Variants in MCFD2 observed in about 807,000 individuals in gnomAD.
MCFD2 encodes multiple coagulation factor deficiency 2, ER cargo receptor complex subunit, also known as multiple coagulation factor deficiency protein 2.
A neutral mutation model predicts 12.8 loss-of-function variants in MCFD2; 11 were observed. The ratio of observed to expected loss-of-function variants is 0.86; its 90% CI spans 0.54 to 1.42. The LOEUF is 1.42. MCFD2 is among the 40% of genes most tolerant of loss of function. MCFD2 has a pLI of 0.00. For missense variants in MCFD2, 191 were observed against 178.6 expected, an observed-to-expected ratio of 1.07 and a Z score of -0.40; for synonymous variants, 70 against 68.1, an observed-to-expected ratio of 1.03 and a Z score of -0.14.
intron 1 of MCFD2, among the ~76,000 whole-genome samples, chr2:46,927,740 T>G (rs1669464603): frequency 4.6e-5 from 7 of 152,034 alleles, no homozygotes; most frequent in Admixed American, 4.6e-4. Flanking sequence ...ACAGTATATC[T>G]TCAAAGTGCA....
At chr2:46,929,093 G>T (rs1047728361) in intron 1 of MCFD2, among the ~76,000 whole-genome samples, 1 of 152,146 alleles carries the variant, frequency 6.6e-6, no homozygotes, top group Non-Finnish European at 1.5e-5. Flanking sequence ...AACCTGGAAG[G>T]TGGAGGTTGG....
upstream of MCFD2, among the ~76,000 whole-genome samples, chr2:46,917,942 T>A (rs1398840736): frequency 1.3e-5 from 2 of 152,256 alleles, no homozygotes; most frequent in Non-Finnish European, 2.9e-5. Flanking sequence ...ATTATCAAAG[T>A]GTCCAGGGTT....
At chr2:46,925,160 TC>T (rs35951083) in intron 1 of MCFD2, among the ~76,000 whole-genome samples, 1 of 152,178 alleles carries the variant, frequency 6.6e-6, no homozygotes, top group Non-Finnish European at 1.5e-5. Flanking sequence ...CTGGCTATGT[TC>T]CCCAGGCTAG....
intron 1 of MCFD2, among the ~76,000 whole-genome samples, chr2:46,939,908 T>A (rs1293663127): frequency 2.0e-5 from 3 of 152,302 alleles, no homozygotes; most frequent in Non-Finnish European, 1.5e-5. Flanking sequence ...CAGCTTCAGC[T>A]TCCCTTCATC....
chr2:46,922,742 G>A (rs1669171837), intron 1 of MCFD2, among the ~76,000 whole-genome samples: 1 of 152,042 alleles, frequency 6.6e-6, no homozygotes, highest in African/African-American at 2.4e-5. Context: ...GGGAGGGGCG[G>A]GGGGCTCTTC....
chr2:46,911,448 G>A (rs1668482618), intron 1 of MCFD2, among the ~76,000 whole-genome samples: 1 of 146,084 alleles, frequency 6.8e-6, no homozygotes, highest in South Asian at 2.2e-4. Context: ...TTTTATATCT[G>A]TAGTTTAAAA....
At chr2:46,919,829 T>C (rs183852956), upstream of MCFD2, among the ~76,000 whole-genome samples, 5 of 152,364 alleles carry the variant, frequency 3.3e-5, no homozygotes, top group East Asian at 3.9e-4. Flanking sequence ...GCAGTTTCTT[T>C]TGTTTAGAGA....
intron 1 of MCFD2, among the ~76,000 whole-genome samples, chr2:46,911,671 C>CG (rs1387793639): frequency 6.6e-6 from 1 of 151,924 alleles, no homozygotes; most frequent in Non-Finnish European, 1.5e-5. Context: ...CCTGTAATCC[C>CG]AGCACTTTGG....
At chr2:46,910,274 A>G (rs1668431297) in intron 1 of MCFD2, among the ~76,000 whole-genome samples, 1 of 152,220 alleles carries the variant, frequency 6.6e-6, no homozygotes, top group Non-Finnish European at 1.5e-5. Context: ...TGTTGATTCA[A>G]TGGAAAGTCT....
In MCFD2 at chr2:46,941,667, C is replaced by T. The variant is rs1365297024; in HGVS notation, c.-103G>A. 1.3e-6 allele frequency: 2 copies of T among 1,551,896 alleles called. No homozygotes were observed. The highest frequency in any genetic ancestry group is 8.7e-7 in the Non-Finnish European group (1 of 1,148,024). On this transcript the variant is annotated 5_prime_UTR_variant, in exon 1 of 3. Transcript: ENST00000409147. This position sits in a 1 kb window ranked among gnomAD's most constrained non-coding sequence, Gnocchi z 4.2. ...GGCAGCTGCAGACGCTGAGCATGCC[C>T]GGCGGCGGAGGTAACAGGCGAGGCA...
intron 1 of MCFD2, among the ~76,000 whole-genome samples, chr2:46,931,900 A>G (rs2103843815): frequency 6.6e-6 from 1 of 152,326 alleles, no homozygotes. Flanking sequence ...TTAAGAAGCA[A>G]TAGGAAATTA....
In MCFD2 at chr2:46,940,419, G is replaced by A. The variant is rs552808963; in HGVS notation, c.-8+1153C>T. ...GCAGCGGGGCCGGGCCCCTGTAAGA[G>A]GTCTCCCCCCAAGGGTGGACCTCGG... On this transcript the variant is annotated intron_variant, in intron 1 of 2. Coordinates refer to the MCFD2 transcript ENST00000409147. The surrounding 1 kb of genome is among the most constrained non-coding windows in gnomAD (Gnocchi z 4.7). Among the ~76,000 whole-genome samples the A allele has an allele frequency of 2.3e-4, 35 of 152,234 alleles. No individual in the cohort carries two copies. The South Asian group carries it at 6.4e-3, about 28-fold the overall frequency.
intron 1 of MCFD2, among the ~76,000 whole-genome samples, chr2:46,927,528 GT>G (rs1669453603): frequency 6.6e-6 from 1 of 151,360 alleles, no homozygotes; most frequent in Non-Finnish European, 1.5e-5. Context: ...GGCTAATTTT[GT>G]TTTTGTGTTT....
Position 46,915,805 on chromosome 2 carries a change from C to CGGGGGGG in MCFD2, c.-90_-89insCCCCCCC. On this transcript the variant is annotated 5_prime_UTR_variant, in exon 1 of 4. Transcript: ENST00000319466. Reference sequence around the variant, plus strand: ...TCCCCAAAACGCTCTTCCTCGGCTTCGCCCCGCCCCCCCCCCCCCCCCGAC... The same window carrying CGGGGGGG: ...TCCCCAAAACGCTCTTCCTCGGCTTCGGGGGGGGCCCCGCCCCCCCCCCCCCCCCGAC... 9.2e-5 allele frequency: 34 copies of CGGGGGGG among 368,270 alleles called. No individual in the cohort carries two copies. The highest frequency in any genetic ancestry group is 1.0e-4 in the Non-Finnish European group (34 of 327,154). 22.8% of individuals were successfully genotyped at this position (368,270 alleles called of 1,614,324 possible).
intron 1 of MCFD2, among the ~76,000 whole-genome samples, chr2:46,925,445 C>G (rs1013812271): frequency 6.6e-6 from 1 of 152,104 alleles, no homozygotes; most frequent in African/African-American, 2.4e-5. Flanking sequence ...GTAATCCCAG[C>G]TACTTGGGAG....
At chr2:46,930,314 T>C (rs1166183908) in intron 1 of MCFD2, among the ~76,000 whole-genome samples, 4 of 151,652 alleles carry the variant, frequency 2.6e-5, no homozygotes, top group African/African-American at 7.3e-5. Flanking sequence ...ATAATGAATA[T>C]GAATACCAGT....
rs1670283062 is a variant in MCFD2 at position 46,940,988 on chromosome 2, CCCCCGGGCG to C, written c.-8+575_-8+583del. ...TGGGGAGGGGGCGGGAAGCGAGGCG[CCCCCGGGCG>C]CCGGGGCTCCGCGCGGGATTAAAGT... is the stretch of plus-strand genomic sequence containing the variant. On this transcript the variant is annotated intron_variant, in intron 1 of 2. Coordinates refer to the MCFD2 transcript ENST00000409147. The surrounding 1 kb of genome is among the most constrained non-coding windows in gnomAD (Gnocchi z 4.7). 6.6e-6 allele frequency among the ~76,000 whole-genome samples: 1 copy of C among 151,510 alleles called. No homozygotes were observed. The highest frequency in any genetic ancestry group is 1.5e-5 in the Non-Finnish European group (1 of 67,996).
chr2:46,936,389 G>A (rs981096472), intron 1 of MCFD2, among the ~76,000 whole-genome samples: 26 of 152,140 alleles, frequency 1.7e-4, no homozygotes, highest in Non-Finnish European at 2.6e-4. Context: ...AAAACTTTAT[G>A]AGAACTTTTC....
Position 46,941,569 on chromosome 2 carries a change from T to C in MCFD2, c.-8+3A>G, listed in dbSNP as rs1424700363. The C allele has an allele frequency of 1.9e-6, 3 of 1,556,934 alleles. No individual in the cohort carries two copies. The highest frequency in any genetic ancestry group is 2.4e-5 in the East Asian group (1 of 41,514). On this transcript the variant is annotated splice_donor_region_variant and intron_variant, in intron 1 of 2. Coordinates refer to the MCFD2 transcript ENST00000409147. The surrounding 1 kb of genome is among the most constrained non-coding windows in gnomAD (Gnocchi z 4.2). Reference sequence around the variant, plus strand: ...GGCTGCGAAGGGCGCGCACGGCTCCTACCTGAAGGTGGAGAGCGAGCTGGA... The same window carrying C: ...GGCTGCGAAGGGCGCGCACGGCTCCCACCTGAAGGTGGAGAGCGAGCTGGA...
Sources: allele counts gnomAD v4.1 joint callset (sites outside exome capture counted in the v4.1 genomes callset), GRCh38; gene constraint gnomAD v4.1.1; non-coding constraint Gnocchi (gnomAD v3.1); transcripts MANE v1.5; gene names NCBI Gene and HGNC (gene_info 2026-07-23, HGNC 2026-07-21).